PRR14L: variants seen among roughly 807,000 people sequenced by gnomAD.
PRR14L encodes protein PRR14L.
Under a neutral mutation model 155.0 loss-of-function variants are expected in PRR14L, and 80 were observed. That is an observed-to-expected ratio of 0.52 (90% CI 0.43 to 0.62). The LOEUF is 0.62. Ranked by LOEUF, PRR14L falls within the 20% of genes least tolerant of loss-of-function variation. The pLI is 0.00. For synonymous variants in PRR14L, 883 were observed against 916.0 expected (o/e 0.96, Z 0.65); for missense variants, 2,469 against 2,548.0 (o/e 0.97, Z 0.67).
Position 31,714,628 on chromosome 22 carries a change from C to T in PRR14L, c.3211G>A (p.Val1071Met), listed in dbSNP as rs144955642. Residue 1071 changes from valine to methionine, a missense_variant, in exon 4 of 9, where the codon GTG becomes ATG. By Grantham distance (21) the Val-to-Met change is conservative. Coordinates refer to ENST00000327423, the MANE Select transcript of PRR14L (RefSeq NM_173566.3). ...SNKLAEGVLD[V>M]KASNLLDCGA... ...CAATCCAGTAGATTAGATGCCTTCA[C>T]GTCCAGCACACCTTCTGCAAGCTTA... 1.1e-4 allele frequency: 173 copies of T among 1,552,036 alleles called. No individual in the cohort carries two copies. The East Asian group carries it at 2.2e-3, about 20-fold the overall frequency.
chr22:31,716,078 T>C lies in PRR14L; in HGVS notation c.1761A>G (p.Val587=). 1 of 1,551,008 alleles carries C rather than the reference T, an allele frequency of 6.4e-7. No homozygotes were observed. Among genetic ancestry groups the C allele is most frequent in the Non-Finnish European group, 8.7e-7 (1 of 1,146,954 alleles). Residue 587 remains valine (V), a synonymous_variant, in exon 4 of 9, where the codon GTA becomes GTG. Coordinates refer to ENST00000327423, the MANE Select transcript of PRR14L (RefSeq NM_173566.3). ...GAGCAGTACCTTGCTTGGGTTTTAATACCTCACTTACAGGACTTATTTGAT... is the reference window on the plus strand; with the variant it reads ...GAGCAGTACCTTGCTTGGGTTTTAACACCTCACTTACAGGACTTATTTGAT... ...PEDQISPVSE[V]LKPKQGTALL... is the part of the protein sequence containing the mutation.
intron 2 of PRR14L, among the ~76,000 whole-genome samples, chr22:31,736,487 C>T (rs1361740289): frequency 2.6e-5 from 4 of 151,906 alleles, no homozygotes; most frequent in Admixed American, 2.6e-4. Flanking sequence ...TGTATGAAGC[C>T]CACTAACAAC....
In PRR14L at chr22:31,703,692, G is replaced by A. The variant is rs764387252; in HGVS notation, c.5858C>T (p.Pro1953Leu). ...RLEPPFPALV[P>L]KSCLVAESAV... ...TGATTCTGCTACCAAGCAAGACTTT[G>A]GTACCAAGGCAGGGAATGGAGGCTC... The change falls in exon 6 of 9, where the codon CCA (proline) becomes CTA (leucine). Residue 1953 changes from proline (P) to leucine (L), a missense_variant. Physicochemically the swap from Pro to Leu is moderately conservative, Grantham distance 98 (BLOSUM62 -3). Coordinates refer to ENST00000327423, the MANE Select transcript of PRR14L (RefSeq NM_173566.3). 3.7e-6 allele frequency: 6 copies of A among 1,602,740 alleles called. No homozygotes were observed. The Middle Eastern group carries it at 5.0e-4, about 133-fold the overall frequency.
chr22:31,747,322 C>T (rs1331993340), intron 1 of PRR14L, among the ~76,000 whole-genome samples: 4 of 148,000 alleles, frequency 2.7e-5, no homozygotes, highest in African/African-American at 1.0e-4. Context: ...CCATGTTGGT[C>T]AGGCTGGTCT....
intron 1 of PRR14L, among the ~76,000 whole-genome samples, chr22:31,741,220 T>C (rs9621329): frequency 0.18 from 24,167 of 131,124 alleles, 2,306 homozygotes; most frequent in African/African-American, 0.3. Context: ...GCCACTGCAC[T>C]CCAGCCTGAG....
intron 7 of PRR14L, among the ~76,000 whole-genome samples, chr22:31,689,241 T>TG (rs1048815815): frequency 4.6e-5 from 7 of 152,118 alleles, no homozygotes; most frequent in Non-Finnish European, 8.8e-5. Context: ...CCCAGTTACT[T>TG]GGGAGACTGA....
At chr22:31,709,258 T>G (rs1244138057) in intron 4 of PRR14L, among the ~76,000 whole-genome samples, 1 of 150,984 alleles carries the variant, frequency 6.6e-6, no homozygotes, top group African/African-American at 2.4e-5. Flanking sequence ...GTTGTTGTTT[T>G]TTTTTTTTTT....
intron 2 of PRR14L, among the ~76,000 whole-genome samples, chr22:31,727,066 G>A (rs927342082): frequency 6.6e-6 from 1 of 152,174 alleles, no homozygotes; most frequent in Non-Finnish European, 1.5e-5. Flanking sequence ...TCTCTGGTGA[G>A]CTAATGCAAT....
rs926961258 is a variant in PRR14L, at chr22:31,725,520, T to C, written c.547+18A>G. The C allele has an allele frequency of 2.0e-6, 3 of 1,507,086 alleles. No individual in the cohort carries two copies. In the African/African-American group the frequency reaches 4.2e-5, roughly 21 times the overall value. 93.4% of individuals were successfully genotyped at this position (1,507,086 alleles called of 1,614,324 possible). On this transcript the variant is annotated intron_variant, in intron 3 of 8. Coordinates refer to ENST00000327423, the MANE Select transcript of PRR14L (RefSeq NM_173566.3). ...TGCAGTAAGTGGATAAAGGAAGAGA[T>C]TTGAGAGAAATAAATACCTTTGCTC...
At chr22:31,709,851 T>C (rs1377435808) in intron 4 of PRR14L, among the ~76,000 whole-genome samples, 1 of 150,902 alleles carries the variant, frequency 6.6e-6, no homozygotes, top group Non-Finnish European at 1.5e-5. Flanking sequence ...TCCAGGATGG[T>C]CTCGATCTCT....
At chr22:31,710,173 C>G (rs967541289) in intron 4 of PRR14L, among the ~76,000 whole-genome samples, 1 of 152,006 alleles carries the variant, frequency 6.6e-6, no homozygotes, top group Non-Finnish European at 1.5e-5. Context: ...AACTCCTGGA[C>G]TAAAGAGATC....
chr22:31,703,602 C>T lies in PRR14L; in HGVS notation c.5948G>A (p.Gly1983Asp). ...TGGGCAGGGGCATGCTGCTTTCACA[C>T]CATCCAGCTCATCCAATCCACGAAC... ...FQVRGLDELDGVKAACPCPQS... is the reference protein window; with the variant it reads ...FQVRGLDELDDVKAACPCPQS... Residue 1983 changes from glycine (G) to aspartate (D), a missense_variant, in exon 6 of 9, where the codon GGT becomes GAT. Gly to Asp is a moderately conservative substitution (Grantham distance 94). This residue lies in a region of PRR14L where 2,363 missense variants were observed against 2,371.6 expected (regional missense o/e 1.00). Transcript: ENST00000327423. 3 of 1,613,990 alleles carry T rather than the reference C, an allele frequency of 1.9e-6. No homozygotes were observed. Among genetic ancestry groups the T allele is most frequent in the Non-Finnish European group, 2.5e-6 (3 of 1,179,946 alleles).
At position 31,714,679 on chromosome 22, in the gene PRR14L, C is replaced by A. The variant is rs1482088700; in HGVS notation, c.3160G>T (p.Asp1054Tyr). 1 of 1,552,346 alleles carries A rather than the reference C, an allele frequency of 6.4e-7. No homozygotes were observed. Among genetic ancestry groups the A allele is most frequent in the South Asian group, 1.2e-5 (1 of 84,066 alleles). The change falls in exon 4 of 9, where the codon GAC (aspartate) becomes TAC (tyrosine). Residue 1054 changes from aspartate to tyrosine, a missense_variant. This residue lies in a region of PRR14L where 2,363 missense variants were observed against 2,371.6 expected (regional missense o/e 1.00). Transcript: ENST00000327423. ...GCDESTEGMV[D>Y]IVYTDCSNKL... ...TTACTACAGTCCGTGTAGACGATGT[C>A]TACCATACCTTCTGTGGACTCATCA... is the stretch of plus-strand genomic sequence containing the variant.
At chr22:31,688,901 T>C (rs113376521) in intron 7 of PRR14L, among the ~76,000 whole-genome samples, 2,120 of 147,836 alleles carry the variant, frequency 0.014, 53 homozygotes, top group African/African-American at 0.051. Flanking sequence ...AATATATACA[T>C]ACACACACAC....
At chr22:31,706,936 C>G (rs1174005331) in intron 4 of PRR14L, among the ~76,000 whole-genome samples, 3 of 151,992 alleles carry the variant, frequency 2.0e-5, no homozygotes, top group African/African-American at 4.8e-5. Context: ...GTAATCCCAG[C>G]TATTCAGGAG....
Position 31,736,898 on chromosome 22 carries a change from C to T in PRR14L, c.474+1489G>A, listed in dbSNP as rs9621325. ...CTAAAAATACAATAAATTAGCCGGG[C>T]GTGGTGGCCAGCGCCTGTAATCCCA... On this transcript the variant is annotated intron_variant, in intron 2 of 8. Coordinates refer to ENST00000327423, the MANE Select transcript of PRR14L (RefSeq NM_173566.3). 2.8e-3 allele frequency among the ~76,000 whole-genome samples: 431 copies of T among 151,250 alleles called. 4 individuals carry two copies. The highest frequency in any genetic ancestry group is 9.6e-3 in the African/African-American group (396 of 41,186).
intron 2 of PRR14L, among the ~76,000 whole-genome samples, chr22:31,731,328 G>A (rs569519129): frequency 3.9e-4 from 60 of 152,038 alleles, no homozygotes; most frequent in Non-Finnish European, 4.6e-4. Flanking sequence ...ACTTTGGGAG[G>A]CCGAGGTGGG....
rs1316793896 is a variant in PRR14L at position 31,717,070 on chromosome 22, A to G, written c.769T>C (p.Phe257Leu). 1 of 1,551,800 alleles carries G rather than the reference A, an allele frequency of 6.4e-7. No individual in the cohort carries two copies. Among genetic ancestry groups the G allele is most frequent in the Non-Finnish European group, 8.7e-7 (1 of 1,147,016 alleles). The change falls in exon 4 of 9, where the codon TTT becomes CTT. Residue 257 changes from phenylalanine (F) to leucine (L), a missense_variant. This residue lies in a region of PRR14L where 2,363 missense variants were observed against 2,371.6 expected (regional missense o/e 1.00). Transcript: ENST00000327423. ...STLVTPEPLT[F>L]VDPVLTEATP... The stretch of plus-strand genomic sequence containing the variant: ...GCTTCTGTTAATACAGGGTCCACAA[A>G]GGTTAAAGGTTCTGGGGTAACTAAT...
chr22:31,690,633 T>C (rs2074506297), intron 7 of PRR14L, among the ~76,000 whole-genome samples: 3 of 151,308 alleles, frequency 2.0e-5, no homozygotes, highest in Admixed American at 6.6e-5. Context: ...CTATAGTCCC[T>C]GGCTAATTTT....
Sources: allele counts gnomAD v4.1 joint callset (sites outside exome capture counted in the v4.1 genomes callset), GRCh38; gene constraint gnomAD v4.1.1; regional missense constraint gnomAD v4.1.1; transcripts MANE v1.5; gene names NCBI Gene and HGNC (gene_info 2026-07-23, HGNC 2026-07-21).